RNMT: variants seen among roughly 807,000 people sequenced by gnomAD.
RNMT encodes the protein mRNA cap guanine-N(7) methyltransferase.
Under a neutral mutation model 56.0 loss-of-function variants are expected in RNMT, and 27 were observed. The observed-to-expected ratio is 0.48, with a 90% CI of 0.36 to 0.67. The LOEUF (loss-of-function observed/expected upper bound fraction) is 0.67. Ranked by LOEUF, RNMT falls within the 30% of genes least tolerant of loss-of-function variation. RNMT has a pLI of 0.00. For synonymous variants in RNMT, 184 were observed against 176.2 expected, an observed-to-expected ratio of 1.04 and a Z score of -0.35; for missense variants, 519 against 552.1, an observed-to-expected ratio of 0.94 and a Z score of 0.60.
chr18:13,729,158 G>A (rs1274769574), intron 1 of RNMT, among the ~76,000 whole-genome samples: 1 of 152,214 alleles, frequency 6.6e-6, no homozygotes, highest in Non-Finnish European at 1.5e-5. Context: ...TGGTGAGAGA[G>A]AGTGGTCTAG....
At chr18:13,739,905 C>T (rs1359027027) in intron 5 of RNMT, among the ~76,000 whole-genome samples, 1 of 152,204 alleles carries the variant, frequency 6.6e-6, no homozygotes. Context: ...ATAAAACTTT[C>T]TCCTTTTTAC....
intron 3 of RNMT, 28 bp from the exon 4 acceptor site, chr18:13,734,436 A>G (rs372811350): frequency 4.1e-5 from 65 of 1,581,464 alleles, no homozygotes; most frequent in African/African-American, 6.8e-5. Flanking sequence ...CTGATCCTTG[A>G]TTTTTTTCTA....
intron 4 of RNMT, 29 bp from the exon 5 acceptor site, chr18:13,736,981 G>A (rs2044168995): frequency 6.2e-7 from 1 of 1,602,556 alleles, no homozygotes; most frequent in Non-Finnish European, 8.5e-7. Flanking sequence ...AGAAGAGGTA[G>A]TTTATTGTGA....
Position 13,731,579 on chromosome 18 carries a change from CAG to C in RNMT, c.63_64del (p.Val22GlufsTer3), listed in dbSNP as rs2044069412. 2 of 1,612,760 alleles carry C rather than the reference CAG, an allele frequency of 1.2e-6. No individual in the cohort carries two copies. The highest frequency in any genetic ancestry group is 2.7e-5 in the African/African-American group (2 of 74,824). On this transcript the variant is annotated frameshift_variant, in exon 3 of 12. Coordinates refer to ENST00000383314, the MANE Select transcript of RNMT (RefSeq NM_003799.3). LOFTEE classifies it high-confidence loss of function. ...ATGTCTCTTGAACAGGCAAAAGCGTCAGTGAATTCTGAAACAGAGTCTTCATT... is the reference window on the plus strand; with the variant it reads ...ATGTCTCTTGAACAGGCAAAAGCGTCTGAATTCTGAAACAGAGTCTTCATT...
intron 5 of RNMT, among the ~76,000 whole-genome samples, chr18:13,737,716 T>TA (rs973552670): frequency 1.7e-3 from 256 of 147,998 alleles, no homozygotes; most frequent in African/African-American, 5.8e-3. Flanking sequence ...ATTTTAACAT[T>TA]AAAAAAAAAA....
rs1204812268 is a variant in RNMT, at chr18:13,760,505, G to A, written c.*526G>A. On this transcript the variant is annotated 3_prime_UTR_variant, in exon 12 of 12. Coordinates refer to ENST00000383314, the MANE Select transcript of RNMT (RefSeq NM_003799.3). ...AACTCAATTTCAGATGCTCATAAAA[G>A]TTACTTAGCTAAAATTTTAGCAATT... The A allele has an allele frequency of 1.0e-6, 1 of 985,212 alleles. No homozygotes were observed. Among genetic ancestry groups the A allele is most frequent in the Non-Finnish European group, 1.2e-6 (1 of 829,478 alleles). The allele number at this position is 985,212 out of a possible 1,614,324, so 61.0% of individuals were successfully genotyped here. A position where few individuals can be genotyped will look rare whatever the true frequency, so the allele number is the denominator to read the frequency against.
At chr18:13,752,292 T>G in intron 9 of RNMT, 34 bp from the exon 10 acceptor site, 2 of 1,319,464 alleles carry the variant, frequency 1.5e-6, no homozygotes, top group Non-Finnish European at 2.2e-6. Context: ...TAAATTTCCG[T>G]TATTGTAACT....
intron 2 of RNMT, 81 bp from the exon 3 acceptor site, chr18:13,731,395 T>G: frequency 1.5e-6 from 1 of 666,914 alleles, no homozygotes; most frequent in Non-Finnish European, 2.4e-6. Context: ...GCGACAAGAG[T>G]GAAACTCCGT....
chr18:13,755,950 C>G (rs564036232), intron 11 of RNMT, among the ~76,000 whole-genome samples: 2 of 152,184 alleles, frequency 1.3e-5, no homozygotes, highest in South Asian at 4.1e-4. Context: ...GCTGGACATG[C>G]GAAGAGAGCA....
At chr18:13,740,894 T>A (rs777565848) in intron 6 of RNMT, among the ~76,000 whole-genome samples, 2 of 152,252 alleles carry the variant, frequency 1.3e-5, no homozygotes, top group Non-Finnish European at 1.5e-5. Flanking sequence ...CTATGTTTTG[T>A]TCACCTTGTA....
rs1424068210 is a variant in RNMT, at chr18:13,742,557, A to G, written c.1044A>G (p.Lys348=). The stretch of plus-strand genomic sequence containing the variant: ...TATATACTGTGAAATTTCAGAAGAA[A>G]GGAGATTATCCTTTATTTGGCTGCA... The part of the protein sequence containing the change: ...NEIYTVKFQK[K]GDYPLFGCKY... Residue 348 remains lysine (K), a synonymous_variant, in exon 8 of 12, where the codon AAA becomes AAG. Coordinates refer to ENST00000383314, the MANE Select transcript of RNMT (RefSeq NM_003799.3). 6.2e-7 allele frequency: 1 copy of G among 1,613,596 alleles called. No individual in the cohort carries two copies. The highest frequency in any genetic ancestry group is 1.7e-5 in the Admixed American group (1 of 59,980).
At chr18:13,732,705 A>G (rs1041872584) in intron 3 of RNMT, among the ~76,000 whole-genome samples, 1 of 150,416 alleles carries the variant, frequency 6.6e-6, no homozygotes, top group Non-Finnish European at 1.5e-5. Context: ...TTTGTCATCA[A>G]TGGAATGTGA....
rs2044633125 is a variant in RNMT, at chr18:13,762,521, GA to G, written c.*2546del. On this transcript the variant is annotated 3_prime_UTR_variant, in exon 12 of 12. Coordinates refer to ENST00000383314, the MANE Select transcript of RNMT (RefSeq NM_003799.3). ...CCAAAGAAATTGGCCTTCAGCTGGAGAAAACATTGGGTGGAGACTCTCACTT... is the reference window on the plus strand; with the variant it reads ...CCAAAGAAATTGGCCTTCAGCTGGAGAAACATTGGGTGGAGACTCTCACTT... 4.8e-6 allele frequency: 1 copy of G among 207,106 alleles called. No homozygotes were observed. Among genetic ancestry groups the G allele is most frequent in the Non-Finnish European group, 9.8e-6 (1 of 102,444 alleles). 12.8% of individuals were successfully genotyped at this position (207,106 alleles called of 1,614,324 possible). A position where few individuals can be genotyped will look rare whatever the true frequency, so the allele number is the denominator to read the frequency against.
intron 11 of RNMT, among the ~76,000 whole-genome samples, chr18:13,754,606 T>G (rs2044512444): frequency 6.6e-6 from 1 of 152,234 alleles, no homozygotes; most frequent in Non-Finnish European, 1.5e-5. Context: ...TAATCCTCCT[T>G]TCTTGCACAG....
At chr18:13,735,806 ATTC>A (rs1001024355) in intron 4 of RNMT, among the ~76,000 whole-genome samples, 1 of 151,950 alleles carries the variant, frequency 6.6e-6, no homozygotes, top group Admixed American at 6.6e-5. Context: ...TATACAGGGT[ATTC>A]TTTCCTTTTT....
Position 13,761,762 on chromosome 18 carries a change from C to G in RNMT, c.*1783C>G. ...GGGAGGCTTACTGGAGCCACACCTG[C>G]AGGCGCTGTGTTCAGGCACCACCTT... On this transcript the variant is annotated 3_prime_UTR_variant, in exon 12 of 12. Transcript: ENST00000383314. 3 of 1,199,450 alleles carry G rather than the reference C, an allele frequency of 2.5e-6. No individual in the cohort carries two copies. Among genetic ancestry groups the G allele is most frequent in the Non-Finnish European group, 3.1e-6 (3 of 960,138 alleles). The allele number at this position is 1,199,450 out of a possible 1,614,324, so 74.3% of individuals were successfully genotyped here.
At chr18:13,734,180 C>T (rs1246702597) in intron 3 of RNMT, among the ~76,000 whole-genome samples, 1 of 152,174 alleles carries the variant, frequency 6.6e-6, no homozygotes, top group Non-Finnish European at 1.5e-5. Flanking sequence ...TGAGGCCTCC[C>T]CCGCCACGAG....
At chr18:13,740,427 G>A in intron 6 of RNMT, 148 bp downstream of exon 6, 1 of 567,928 alleles carries the variant, frequency 1.8e-6, no homozygotes. Flanking sequence ...CTAGGCTGGA[G>A]CACAGTGGCA....
chr18:13,732,467 A>G (rs900293129), intron 3 of RNMT, among the ~76,000 whole-genome samples: 1 of 152,166 alleles, frequency 6.6e-6, no homozygotes, highest in Non-Finnish European at 1.5e-5. Flanking sequence ...GTAATTCCTT[A>G]AACAGTTTTC....
Sources: gnomAD v4.1 joint callset for allele counts (sites outside exome capture counted in the v4.1 genomes callset) on GRCh38, gnomAD v4.1.1 for gene constraint, MANE v1.5 for transcripts, NCBI Gene and HGNC (gene_info 2026-07-23, HGNC 2026-07-21) for gene names.